RBFOX1: variants seen among roughly 807,000 people sequenced by gnomAD.
RBFOX1 encodes the protein RNA binding fox-1 homolog 1.
Under a neutral mutation model 57.7 loss-of-function variants are expected in RBFOX1, and 8 were observed. That is an observed-to-expected ratio of 0.14 (90% CI 0.08 to 0.25). The LOEUF (loss-of-function observed/expected upper bound fraction) is 0.25, where lower values mean the gene tolerates loss of function less well. RBFOX1 is among the 10% of genes least tolerant of loss of function. The pLI, the probability that RBFOX1 is intolerant of heterozygous loss-of-function variation, is 1.00. For synonymous variants in RBFOX1, 326 were observed against 222.4 expected (o/e 1.47, Z -4.15); for missense variants, 611 against 548.5 (o/e 1.11, Z -1.14).
chr16:5,430,460 G>T (rs1199883970), intron 1 of RBFOX1, among the ~76,000 whole-genome samples: 1 of 152,208 alleles, frequency 6.6e-6, no homozygotes, highest in African/African-American at 2.4e-5. Flanking sequence ...GAGAGCTGGG[G>T]CTGGAGCTGG....
intron 1 of RBFOX1, among the ~76,000 whole-genome samples, chr16:5,311,409 G>T (rs1046415693): frequency 6.6e-6 from 1 of 151,944 alleles, no homozygotes; most frequent in Non-Finnish European, 1.5e-5. Context: ...CTTTTGGGTG[G>T]GTACCCAGTA....
At position 7,368,774 on chromosome 16, in the gene RBFOX1, T is replaced by C. The variant is rs1177469012; in HGVS notation, c.28-149373T>C. 1.9e-4 allele frequency among the ~76,000 whole-genome samples: 11 copies of C among 57,438 alleles called. No homozygotes were observed. The East Asian group carries it at 6.1e-3, about 32-fold the overall frequency. The allele number at this position is 57,438 out of a possible 152,430, so 37.7% of individuals were successfully genotyped here. A position where few individuals can be genotyped will look rare whatever the true frequency, so the allele number is the denominator to read the frequency against. On this transcript the variant is annotated intron_variant, in intron 4 of 15. Coordinates refer to ENST00000550418, the MANE Select transcript of RBFOX1 (RefSeq NM_018723.4). ...CAGCCTGGGTGACAGAGCGAGACTCTGTCTCAAAAAAAAAAAAAAAAATAA... is the reference window on the plus strand; with the variant it reads ...CAGCCTGGGTGACAGAGCGAGACTCCGTCTCAAAAAAAAAAAAAAAAATAA...
chr16:7,231,273 G>A (rs2093478257), intron 4 of RBFOX1, among the ~76,000 whole-genome samples: 1 of 152,122 alleles, frequency 6.6e-6, no homozygotes, highest in South Asian at 2.1e-4. Flanking sequence ...GGGCTTGGCT[G>A]GTTTGTCTTG....
At chr16:7,294,234 T>G (rs1384946534) in intron 4 of RBFOX1, among the ~76,000 whole-genome samples, 1 of 152,060 alleles carries the variant, frequency 6.6e-6, no homozygotes, top group African/African-American at 2.4e-5. Context: ...CCGCCTACCC[T>G]TCCTTGTCCC....
chr16:6,657,909 TTTATTTTTTA>T (rs1422069789), intron 3 of RBFOX1, among the ~76,000 whole-genome samples: 1 of 152,134 alleles, frequency 6.6e-6, no homozygotes. Flanking sequence ...CAAGAATCAC[TTTATTTTTTA>T]TTATTTTTTA....
At chr16:7,659,200 G>A (rs1332948461) in intron 12 of RBFOX1, among the ~76,000 whole-genome samples, 2 of 152,146 alleles carry the variant, frequency 1.3e-5, no homozygotes, top group Non-Finnish European at 2.9e-5. Context: ...TATATTATTT[G>A]GGGTATAGGA....
At chr16:6,157,121 C>A (rs1204128347) in intron 1 of RBFOX1, among the ~76,000 whole-genome samples, 1 of 151,936 alleles carries the variant, frequency 6.6e-6, no homozygotes. Flanking sequence ...AGGTGTGAGC[C>A]AACACCCCTC....
intron 2 of RBFOX1, among the ~76,000 whole-genome samples, chr16:5,597,792 G>A (rs1194280738): frequency 1.3e-5 from 2 of 152,134 alleles, no homozygotes; most frequent in Admixed American, 1.3e-4. Flanking sequence ...GTGGACGAAG[G>A]CTTTGGGAAT....
chr16:6,145,503 G>A (rs777103488), intron 1 of RBFOX1, among the ~76,000 whole-genome samples: 1 of 151,340 alleles, frequency 6.6e-6, no homozygotes, highest in Non-Finnish European at 1.5e-5. Context: ...ACATATGTGT[G>A]CGTGTGTCTT....
At chr16:7,507,314 T>C (rs1404617229) in intron 4 of RBFOX1, among the ~76,000 whole-genome samples, 2 of 152,168 alleles carry the variant, frequency 1.3e-5, no homozygotes, top group African/African-American at 4.8e-5. Context: ...TTAACTATTT[T>C]ATTCTTCTCT....
At chr16:5,396,599 G>A (rs185354946) in intron 1 of RBFOX1, among the ~76,000 whole-genome samples, 2 of 152,180 alleles carry the variant, frequency 1.3e-5, no homozygotes, top group East Asian at 3.9e-4. Context: ...CTGAGATCAC[G>A]CCATTCCACT....
Position 6,967,030 on chromosome 16 carries a change from A to G in RBFOX1, c.-15-85027A>G, listed in dbSNP as rs141471714. ...TATTTCTGTATGTACCTATCTACTT[A>G]TCTGTACGTGCATCCACCCTCCATC... On this transcript the variant is annotated intron_variant, in intron 3 of 15. Coordinates refer to ENST00000550418, the MANE Select transcript of RBFOX1 (RefSeq NM_018723.4). Among the ~76,000 whole-genome samples the G allele has an allele frequency of 6.6e-5, 10 of 152,234 alleles. No individual in the cohort carries two copies. In the East Asian group the frequency reaches 1.9e-3, roughly 29 times the overall value.
At chr16:6,144,624 A>G (rs1009706826) in intron 1 of RBFOX1, among the ~76,000 whole-genome samples, 1 of 152,234 alleles carries the variant, frequency 6.6e-6, no homozygotes. Flanking sequence ...ACACATGTCA[A>G]GGCTCACGCT....
intron 5 of RBFOX1, among the ~76,000 whole-genome samples, chr16:7,569,765 G>A (rs561248804): frequency 5.6e-4 from 85 of 152,270 alleles, no homozygotes; most frequent in Non-Finnish European, 1.1e-3. Flanking sequence ...ACATTTTGGA[G>A]ACCAAGGCAG....
intron 2 of RBFOX1, among the ~76,000 whole-genome samples, chr16:6,334,224 G>A (rs978653989): frequency 5.3e-5 from 8 of 152,022 alleles, no homozygotes; most frequent in Admixed American, 5.2e-4. Context: ...GTCAACGAAA[G>A]TGGCCAGGTG....
chr16:7,695,115 A>G (rs796257617), intron 14 of RBFOX1, among the ~76,000 whole-genome samples: 5 of 152,278 alleles, frequency 3.3e-5, no homozygotes, highest in African/African-American at 1.2e-4. Flanking sequence ...GTAAATTCTT[A>G]ATGAATTGCT....
chr16:5,436,597 T>G (rs1417419814), intron 1 of RBFOX1, among the ~76,000 whole-genome samples: 1 of 152,128 alleles, frequency 6.6e-6, no homozygotes, highest in Non-Finnish European at 1.5e-5. Flanking sequence ...TCCTAGCAGT[T>G]TGGGAGGCTG....
intron 10 of RBFOX1, among the ~76,000 whole-genome samples, chr16:7,622,468 G>A (rs1388719387): frequency 6.6e-6 from 1 of 152,154 alleles, no homozygotes. Context: ...GGCTGCAGGA[G>A]ATTAAGTGAA....
intron 13 of RBFOX1, among the ~76,000 whole-genome samples, chr16:7,669,880 A>T (rs1367407240): frequency 1.3e-5 from 2 of 152,180 alleles, no homozygotes; most frequent in Non-Finnish European, 2.9e-5. Context: ...CGCAGTCACC[A>T]TAGTGGAGAC....
Sources: allele counts gnomAD v4.1 joint callset (sites outside exome capture counted in the v4.1 genomes callset), GRCh38; gene constraint gnomAD v4.1.1; transcripts MANE v1.5; gene names NCBI Gene and HGNC (gene_info 2026-07-23, HGNC 2026-07-21).